Variants in PCDHA12 observed in about 807,000 individuals in gnomAD.
The protein encoded by PCDHA12 is protocadherin alpha-12.
A neutral mutation model predicts 60.0 loss-of-function variants in PCDHA12; 44 were observed. The observed-to-expected ratio is 0.73, with a 90% confidence interval of 0.58 to 0.94. PCDHA12 has a LOEUF of 0.94. PCDHA12 is among the 40% of genes least tolerant of loss of function. The pLI is 0.00. For missense variants in PCDHA12, 1,276 were observed against 1,239.7 expected, an observed-to-expected ratio of 1.03 and a Z score of -0.44; for synonymous variants, 569 against 553.0, an observed-to-expected ratio of 1.03 and a Z score of -0.40.
intron 1 of PCDHA12, chr5:140,929,202 G>T (rs2085922750): frequency 1.2e-6 from 2 of 1,613,984 alleles, no homozygotes; most frequent in African/African-American, 1.3e-5. Context: ...ACAGTTTGCT[G>T]TTGCGTGGGG....
chr5:140,961,025 C>G (rs1283958205), intron 1 of PCDHA12, among the ~76,000 whole-genome samples: 1 of 152,150 alleles, frequency 6.6e-6, no homozygotes, highest in African/African-American at 2.4e-5. Context: ...CACTTGCTAC[C>G]TCCTTGTTTT....
At chr5:141,002,491 A>G (rs1244268735) in intron 3 of PCDHA12, among the ~76,000 whole-genome samples, 1 of 152,214 alleles carries the variant, frequency 6.6e-6, no homozygotes, top group Non-Finnish European at 1.5e-5. Flanking sequence ...TGACCTTGTT[A>G]TACAGCTCAG....
chr5:141,006,507 C>T (rs2098276539), intron 3 of PCDHA12, among the ~76,000 whole-genome samples: 1 of 152,156 alleles, frequency 6.6e-6, no homozygotes, highest in Admixed American at 6.5e-5. Flanking sequence ...GCCACCGCGC[C>T]TGGCTGTTAT....
chr5:140,937,728 C>T (rs1180728000), intron 1 of PCDHA12, among the ~76,000 whole-genome samples: 4 of 151,954 alleles, frequency 2.6e-5, no homozygotes, highest in African/African-American at 7.2e-5. Flanking sequence ...CTGGCTAACA[C>T]GGTGAAACCC....
In PCDHA12 at chr5:140,875,872, A is replaced by C. The variant is rs1554168004; in HGVS notation, c.400A>C (p.Arg134=). Reference sequence around the variant, plus strand: ...CATTAACGACAACCCGCCGGTGTTCAGAGAAAGGGAACAAAAGGTACCTGT... The same window carrying C: ...CATTAACGACAACCCGCCGGTGTTCCGAGAAAGGGAACAAAAGGTACCTGT... ...KDINDNPPVF[R]EREQKVPVSE... Residue 134 remains arginine, a synonymous_variant, in exon 1 of 4, where the codon AGA becomes CGA. Coordinates refer to ENST00000398631, the MANE Select transcript of PCDHA12 (RefSeq NM_018903.4). 1.9e-6 allele frequency: 3 copies of C among 1,614,224 alleles called. No individual in the cohort carries two copies. In the East Asian group the frequency reaches 6.7e-5, roughly 36 times the overall value.
intron 3 of PCDHA12, among the ~76,000 whole-genome samples, chr5:140,996,297 T>TGTAACAAAGTAAGGGG (rs2097720569): frequency 6.6e-6 from 1 of 152,196 alleles, no homozygotes; most frequent in Non-Finnish European, 1.5e-5. Context: ...AAGCACAGAT[T>TGTAACAAAGTAAGGGG]GTAACAAAGT....
At chr5:140,971,615 G>C (rs2096488487) in intron 1 of PCDHA12, among the ~76,000 whole-genome samples, 1 of 152,030 alleles carries the variant, frequency 6.6e-6, no homozygotes, top group East Asian at 1.9e-4. Flanking sequence ...GGAGAGTCCT[G>C]GGGTACAATT....
At chr5:140,926,470 GT>G (rs1204371892) in intron 1 of PCDHA12, 7 of 162,858 alleles carry the variant, frequency 4.3e-5, no homozygotes, top group Non-Finnish European at 9.2e-5. Context: ...AGAAAACACC[GT>G]TTAAGGAGAG....
chr5:140,892,661 T>A (rs2063613573), intron 1 of PCDHA12, among the ~76,000 whole-genome samples: 1 of 152,232 alleles, frequency 6.6e-6, no homozygotes, highest in Non-Finnish European at 1.5e-5. Flanking sequence ...CAGAGTGACA[T>A]TTTGATACAT....
chr5:140,934,377 G>A (rs1183246116), intron 1 of PCDHA12, among the ~76,000 whole-genome samples: 2 of 152,050 alleles, frequency 1.3e-5, no homozygotes, highest in Non-Finnish European at 2.9e-5. Flanking sequence ...TCCTTCTGTG[G>A]TTCTATGGTG....
intron 1 of PCDHA12, among the ~76,000 whole-genome samples, chr5:140,921,875 A>G (rs1414785128): frequency 6.6e-6 from 1 of 152,118 alleles, no homozygotes; most frequent in Non-Finnish European, 1.5e-5. Flanking sequence ...CAGTATATAT[A>G]TAAGATTTTA....
chr5:140,963,666 ATAGT>A (rs1254219157), intron 1 of PCDHA12, among the ~76,000 whole-genome samples: 1 of 152,216 alleles, frequency 6.6e-6, no homozygotes, highest in African/African-American at 2.4e-5. Flanking sequence ...CCTATATGGC[ATAGT>A]TAAATGTGTT....
At chr5:140,934,899 T>G (rs1320708660) in intron 1 of PCDHA12, among the ~76,000 whole-genome samples, 2 of 152,184 alleles carry the variant, frequency 1.3e-5, no homozygotes, top group Non-Finnish European at 2.9e-5. Flanking sequence ...AACCTTTTAT[T>G]TTGGAATAAT....
At chr5:140,938,187 C>T (rs1584944424) in intron 1 of PCDHA12, among the ~76,000 whole-genome samples, 1 of 152,158 alleles carries the variant, frequency 6.6e-6, no homozygotes, top group Admixed American at 6.5e-5. Context: ...CTCAAGCAAT[C>T]CTCCCACGCC....
intron 1 of PCDHA12, among the ~76,000 whole-genome samples, chr5:140,972,283 A>C (rs2096528536): frequency 2.7e-5 from 4 of 149,876 alleles, no homozygotes; most frequent in Admixed American, 2.7e-4. Flanking sequence ...TGGACCATAG[A>C]TGTGCGCCAC....
intron 1 of PCDHA12, among the ~76,000 whole-genome samples, chr5:140,886,964 A>T (rs2061244320): frequency 6.6e-6 from 1 of 152,114 alleles, no homozygotes; most frequent in Admixed American, 6.5e-5. Context: ...TTAGCAACGA[A>T]ATTTATTATT....
intron 1 of PCDHA12, among the ~76,000 whole-genome samples, chr5:140,933,209 G>GTC (rs140472192): frequency 0.32 from 48,939 of 151,636 alleles, 8,153 homozygotes; most frequent in East Asian, 0.53. Flanking sequence ...TAAATTACAT[G>GTC]TCTGTTATAT....
At chr5:140,964,425 A>C (rs1440321322) in intron 1 of PCDHA12, among the ~76,000 whole-genome samples, 1 of 152,178 alleles carries the variant, frequency 6.6e-6, no homozygotes, top group East Asian at 1.9e-4. Context: ...TCCATTAAAA[A>C]ATTACCAAGC....
chr5:140,897,424 T>G (rs2066099863), intron 1 of PCDHA12, among the ~76,000 whole-genome samples: 1 of 148,866 alleles, frequency 6.7e-6, no homozygotes, highest in Non-Finnish European at 1.5e-5. Flanking sequence ...CATCTATGAG[T>G]GAGAACATGC....
Sources: allele counts gnomAD v4.1 joint callset (sites outside exome capture counted in the v4.1 genomes callset), GRCh38; gene constraint gnomAD v4.1.1; transcripts MANE v1.5; gene names NCBI Gene and HGNC (gene_info 2026-07-23, HGNC 2026-07-21).